The following TMC6 variants were observed in gnomAD, a reference collection of about 807,000 sequenced individuals.
The protein encoded by TMC6 is transmembrane channel like 6.
In TMC6, 71 loss-of-function variants were observed where a neutral mutation model predicts 95.4. That is an observed-to-expected ratio of 0.74 (90% CI 0.61 to 0.91). The LOEUF is 0.91. Among genes scored for constraint, TMC6 ranks in the 40% least tolerant of loss-of-function variants. TMC6 has a pLI of 0.00. For synonymous variants in TMC6, 514 were observed against 483.1 expected (o/e 1.06, Z -0.84); for missense variants, 1,074 against 1,079.1 (o/e 1.00, Z 0.07).
In TMC6 at chr17:78,121,496, G is replaced by A. The variant is rs2074411329; in HGVS notation, c.1383+60C>T. ...GCAAGGCTGCCTCCCCAGGGGGCAG[G>A]TGCCCAGAGTCACTGGGGACACGTT... On this transcript the variant is annotated intron_variant, in intron 11 of 19. Coordinates refer to ENST00000590602, the MANE Select transcript of TMC6 (RefSeq NM_001127198.5). The surrounding 1 kb of genome is among the most constrained non-coding windows in gnomAD (Gnocchi z 5.6). 1 of 1,608,432 alleles carries A rather than the reference G, an allele frequency of 6.2e-7. No homozygotes were observed. Among genetic ancestry groups the A allele is most frequent in the South Asian group, 1.1e-5 (1 of 90,634 alleles).
rs941696131 is a variant in TMC6, at chr17:78,113,112, G to T, written c.*36C>A. ...TGGGAGGCAACAGTGTGGTCTCAGG[G>T]TGCTGGGCGGGCCCGTGAGGCCCAT... On this transcript the variant is annotated 3_prime_UTR_variant, in exon 20 of 20. Coordinates refer to ENST00000590602, the MANE Select transcript of TMC6 (RefSeq NM_001127198.5). 5 of 1,549,722 alleles carry T rather than the reference G, an allele frequency of 3.2e-6. No individual in the cohort carries two copies. Among genetic ancestry groups the T allele is most frequent in the Non-Finnish European group, 4.4e-6 (5 of 1,146,280 alleles).
At position 78,122,908 on chromosome 17, in the gene TMC6, C is replaced by G; in HGVS notation, c.1083-159G>C. On this transcript the variant is annotated intron_variant, in intron 9 of 19. Coordinates refer to ENST00000590602, the MANE Select transcript of TMC6 (RefSeq NM_001127198.5). The surrounding 1 kb of genome is among the most constrained non-coding windows in gnomAD (Gnocchi z 4.9). Reference sequence around the variant, plus strand: ...TCCTGCCACACCCCTGCCCCACCACCAGCCCTCTACACCAGTCTCATCCAA... The same window carrying G: ...TCCTGCCACACCCCTGCCCCACCACGAGCCCTCTACACCAGTCTCATCCAA... 2 of 923,154 alleles carry G rather than the reference C, an allele frequency of 2.2e-6. No homozygotes were observed. The highest frequency in any genetic ancestry group is 3.4e-6 in the Non-Finnish European group (2 of 596,178). The allele number at this position is 923,154 out of a possible 1,614,324, so 57.2% of individuals were successfully genotyped here.
At position 78,125,825 on chromosome 17, in the gene TMC6, T is replaced by C. The variant is rs1486543772; in HGVS notation, c.331A>G (p.Arg111Gly). 2 of 1,554,948 alleles carry C rather than the reference T, an allele frequency of 1.3e-6. No individual in the cohort carries two copies. Among genetic ancestry groups the C allele is most frequent in the Middle Eastern group, 1.7e-4 (1 of 6,018 alleles). Residue 111 changes from arginine to glycine, a missense_variant, in exon 5 of 20, where the codon AGG becomes GGG. By Grantham distance (125) the Arg-to-Gly change is moderately radical. Transcript: ENST00000590602. ...TTCCCGAGCAGGGGCCGGCTGCTCC[T>C]GCACCGAAGCTGCACCGTGCGGTTG... is the stretch of plus-strand genomic sequence containing the variant. The part of the protein sequence containing the change: ...YYNRTVQLRC[R>G]SSRPLLGNFV...
Position 78,109,299 on chromosome 17 carries a change from C to T in TMC6, c.*3849G>A, listed in dbSNP as rs562642569. 1 of 369,518 alleles carries T rather than the reference C, an allele frequency of 2.7e-6. No individual in the cohort carries two copies. Among genetic ancestry groups the T allele is most frequent in the Admixed American group, 3.4e-5 (1 of 29,696 alleles). 22.9% of individuals were successfully genotyped at this position (369,518 alleles called of 1,614,324 possible). A position where few individuals can be genotyped will look rare whatever the true frequency, so the allele number is the denominator to read the frequency against. ...GTTCAGTGAAGAGGGAAAACAGAGA[C>T]AGTGGGGCATCCCGAGAAGATCCTC... On this transcript the variant is annotated 3_prime_UTR_variant, in exon 20 of 20. Coordinates refer to ENST00000590602, the MANE Select transcript of TMC6 (RefSeq NM_001127198.5).
At chr17:78,127,051 G>C (rs2074756445) in intron 1 of TMC6, 145 bp from the exon 2 acceptor site, 10 of 628,590 alleles carry the variant, frequency 1.6e-5, no homozygotes, top group Non-Finnish European at 2.5e-5. Flanking sequence ...GTACATAAAT[G>C]GTGAGGCACC....
At chr17:78,117,780 T>C in intron 16 of TMC6, 22 bp downstream of exon 16, 1 of 1,598,674 alleles carries the variant, frequency 6.3e-7, no homozygotes. Context: ...CAGAAGGGTC[T>C]CCCTCCACCC....
In TMC6 at chr17:78,113,036, CTT is replaced by C; in HGVS notation, c.*110_*111del. On this transcript the variant is annotated 3_prime_UTR_variant, in exon 20 of 20. Transcript: ENST00000590602. ...AGCTCCAGCCTAGGCGCAGCTGCGGCTTTCGAGAGGCGAAACTGTCTTCCTTG... is the reference window on the plus strand; with the variant it reads ...AGCTCCAGCCTAGGCGCAGCTGCGGCTCGAGAGGCGAAACTGTCTTCCTTG... 1.5e-6 allele frequency: 2 copies of C among 1,330,832 alleles called. No homozygotes were observed. Among genetic ancestry groups the C allele is most frequent in the South Asian group, 1.3e-5 (1 of 78,798 alleles). 82.4% of individuals were successfully genotyped at this position (1,330,832 alleles called of 1,614,324 possible).
At position 78,122,671 on chromosome 17, in the gene TMC6, C is replaced by G; in HGVS notation, c.1161G>C (p.Trp387Cys). The stretch of plus-strand genomic sequence containing the variant: ...CCCGCTTCTGCGTCACCTTGTAGTC[C>G]CAGGAGCAGAAGACGGTGATGGCGT... ...GIHAITVFCS[W>C]DYKVTQKRAS... Residue 387 changes from tryptophan (W) to cysteine (C), a missense_variant, in exon 10 of 20, where the codon TGG (tryptophan) becomes TGC (cysteine). Physicochemically the swap from Trp to Cys is radical, Grantham distance 215. Transcript: ENST00000590602. This position sits in a 1 kb window ranked among gnomAD's most constrained non-coding sequence, Gnocchi z 4.9. The G allele has an allele frequency of 6.2e-7, 1 of 1,612,102 alleles. No homozygotes were observed. The highest frequency in any genetic ancestry group is 8.5e-7 in the Non-Finnish European group (1 of 1,179,688).
At chr17:78,126,098 G>C in intron 4 of TMC6, 179 bp downstream of exon 4, 2 of 1,105,980 alleles carry the variant, frequency 1.8e-6, no homozygotes, top group Non-Finnish European at 2.6e-6. Flanking sequence ...GGCCACATGG[G>C]GCTGTGCTGG....
chr17:78,125,148 G>A lies in TMC6; in HGVS notation c.536+10C>T, dbSNP rs1208612180. 6.4e-7 allele frequency: 1 copy of A among 1,556,234 alleles called. No homozygotes were observed. The highest frequency in any genetic ancestry group is 1.4e-5 in the African/African-American group (1 of 73,692). ...GCAGCGGCGGCATGGTCAGGGTCGG[G>A]GCTGCTCACCGCAGGCTGCGTTTCT... On this transcript the variant is annotated intron_variant, in intron 6 of 19. Coordinates refer to ENST00000590602, the MANE Select transcript of TMC6 (RefSeq NM_001127198.5).
chr17:78,116,570 C>A (rs1038521842), intron 18 of TMC6, among the ~76,000 whole-genome samples: 1 of 152,088 alleles, frequency 6.6e-6, no homozygotes, highest in Admixed American at 6.5e-5. Context: ...CCACCACACC[C>A]GGTCAAACAT....
chr17:78,113,509 C>T (rs778735746), intron 19 of TMC6, 39 bp downstream of exon 19: 8 of 1,610,792 alleles, frequency 5.0e-6, no homozygotes, highest in Non-Finnish European at 6.8e-6. Flanking sequence ...CTCTCCCCTC[C>T]AGGCTCAGAG....
At position 78,110,810 on chromosome 17, in the gene TMC6, G is replaced by A. The variant is rs372903729; in HGVS notation, c.*2338C>T. On this transcript the variant is annotated 3_prime_UTR_variant, in exon 20 of 20. Transcript: ENST00000590602. ...TGATACAGCGGCCCCATGAGGCGAG[G>A]AGCTGGGAGGTCACAGAACATGCCC... 1.3e-5 allele frequency: 2 copies of A among 152,296 alleles called. No homozygotes were observed. The highest frequency in any genetic ancestry group is 2.9e-5 in the Non-Finnish European group (2 of 68,114). 9.4% of individuals were successfully genotyped at this position (152,296 alleles called of 1,614,324 possible). A position where few individuals can be genotyped will look rare whatever the true frequency, so the allele number is the denominator to read the frequency against.
At position 78,124,021 on chromosome 17, in the gene TMC6, G is replaced by A. The variant is rs149107165; in HGVS notation, c.1050C>T (p.Ser350=). The change falls in exon 9 of 20, where the codon AGC becomes AGT. Residue 350 remains serine, a synonymous_variant. Coordinates refer to ENST00000590602, the MANE Select transcript of TMC6 (RefSeq NM_001127198.5). ...PLAYLSTVGV[S]FFITCITLVY... ...CCAGGGTGATGCAGGTGATAAAGAA[G>A]CTCACGCCCACAGTGGAGAGGTAGG... The A allele has an allele frequency of 6.2e-7, 1 of 1,613,802 alleles. No individual in the cohort carries two copies. The highest frequency in any genetic ancestry group is 2.2e-5 in the East Asian group (1 of 44,894).
At chr17:78,116,375 G>A (rs919290641) in intron 18 of TMC6, among the ~76,000 whole-genome samples, 1 of 150,424 alleles carries the variant, frequency 6.6e-6, no homozygotes, top group Non-Finnish European at 1.5e-5. Flanking sequence ...CTGGGCTCAA[G>A]CAATCTCCTC....
upstream of TMC6, among the ~76,000 whole-genome samples, chr17:78,129,130 C>G (rs2074894094): frequency 1.3e-5 from 2 of 151,078 alleles, no homozygotes; most frequent in South Asian, 2.1e-4. The surrounding 1 kb of genome is among the most constrained non-coding windows in gnomAD (Gnocchi z 4.3). Context: ...CCCCCCCCGC[C>G]GCCCCCGCAA....
rs2073790926 is a variant in TMC6, at chr17:78,109,876, G to GCT, written c.*3271_*3272insAG. 2 of 286,670 alleles carry GCT rather than the reference G, an allele frequency of 7.0e-6. No individual in the cohort carries two copies. Among genetic ancestry groups the GCT allele is most frequent in the Non-Finnish European group, 1.4e-5 (2 of 145,138 alleles). The allele number at this position is 286,670 out of a possible 1,614,324, so 17.8% of individuals were successfully genotyped here. A position where few individuals can be genotyped will look rare whatever the true frequency, so the allele number is the denominator to read the frequency against. On this transcript the variant is annotated 3_prime_UTR_variant, in exon 20 of 20. Coordinates refer to ENST00000590602, the MANE Select transcript of TMC6 (RefSeq NM_001127198.5). ...GAGGTCAGGAGTTCAAGACCAGCCT[G>GCT]AGCAACATGGAGAAACCCTGTCTCT...
Position 78,125,712 on chromosome 17 carries a change from G to A in TMC6, c.430+14C>T. The A allele has an allele frequency of 6.4e-7, 1 of 1,560,518 alleles. No homozygotes were observed. The highest frequency in any genetic ancestry group is 8.7e-7 in the Non-Finnish European group (1 of 1,152,942). ...CGGTGTCCGCCACTGGGGCTCCAGT[G>A]CCCACTCACTCACCCTCCTCCTCCA... On this transcript the variant is annotated intron_variant, in intron 5 of 19. Transcript: ENST00000590602.
chr17:78,119,093 C>T (rs1352236343), intron 14 of TMC6, 47 bp from the exon 15 acceptor site: 10 of 1,546,434 alleles, frequency 6.5e-6, no homozygotes, highest in African/African-American at 2.7e-5. Context: ...GCCCTCCCCT[C>T]CCCGAGATCA....
Sources: gnomAD v4.1 joint callset for allele counts (sites outside exome capture counted in the v4.1 genomes callset) on GRCh38, gnomAD v4.1.1 for gene constraint, Gnocchi (gnomAD v3.1) non-coding constraint, MANE v1.5 for transcripts, NCBI Gene and HGNC (gene_info 2026-07-23, HGNC 2026-07-21) for gene names.